MUC13: variants seen among roughly 807,000 people sequenced by gnomAD.
MUC13 encodes mucin 13, cell surface associated, also known as mucin-13.
MUC13 carries 32 observed loss-of-function variants against 48.3 expected under a neutral mutation model. That is an observed-to-expected ratio of 0.66 (90% CI 0.50 to 0.89). The LOEUF (loss-of-function observed/expected upper bound fraction) is 0.89, where lower values mean the gene tolerates loss of function less well. Among genes scored for constraint, MUC13 ranks in the 40% least tolerant of loss-of-function variants. MUC13 has a pLI of 0.00. For synonymous variants in MUC13, 199 were observed against 224.9 expected, an observed-to-expected ratio of 0.88 and a Z score of 1.03; for missense variants, 571 against 622.8, an observed-to-expected ratio of 0.92 and a Z score of 0.88.
intron 2 of MUC13, among the ~76,000 whole-genome samples, chr3:124,926,153 C>T (rs920351039): frequency 6.6e-6 from 1 of 152,182 alleles, no homozygotes; most frequent in Non-Finnish European, 1.5e-5. Flanking sequence ...CTCTGAGGTG[C>T]TTTCTCTTCA....
rs1437448937 is a variant in MUC13, at chr3:124,919,296, C to A, written c.800+938G>T. Among the ~76,000 whole-genome samples the A allele has an allele frequency of 2.1e-5, 3 of 142,914 alleles. No individual in the cohort carries two copies. In the South Asian group the frequency reaches 6.7e-4, roughly 32 times the overall value. The allele number at this position is 142,914 out of a possible 152,430, so 93.8% of individuals were successfully genotyped here. A position where few individuals can be genotyped will look rare whatever the true frequency, so the allele number is the denominator to read the frequency against. ...AGGTTGCAGTGAGCTGATATCACAC[C>A]AATGCACTCCAGCCTGCATGACAGG... On this transcript the variant is annotated intron_variant, in intron 5 of 11. Transcript: ENST00000616727.
rs567395958 is a variant in MUC13 at position 124,916,743 on chromosome 3, C to T, written c.801-263G>A. ...AAAACTTAGGAAAATTGTGGATAACCATTTTTGGAAAAATTATGAATCACA... is the reference window on the plus strand; with the variant it reads ...AAAACTTAGGAAAATTGTGGATAACTATTTTTGGAAAAATTATGAATCACA... On this transcript the variant is annotated intron_variant, in intron 5 of 11. Transcript: ENST00000616727. 3.9e-5 allele frequency among the ~76,000 whole-genome samples: 6 copies of T among 152,142 alleles called. No individual in the cohort carries two copies. In the East Asian group the frequency reaches 9.6e-4, roughly 24 times the overall value.
intron 2 of MUC13, among the ~76,000 whole-genome samples, chr3:124,925,417 C>T (rs1222468506): frequency 6.6e-6 from 1 of 152,156 alleles, no homozygotes; most frequent in African/African-American, 2.4e-5. Flanking sequence ...ATGCACAGCA[C>T]CACGAGTGAT....
Position 124,922,319 on chromosome 3 carries a change from A to G in MUC13, c.638-16T>C. On this transcript the variant is annotated splice_polypyrimidine_tract_variant and intron_variant, in intron 3 of 11. Transcript: ENST00000616727. ...AATACCTTTCCTGAAAGTTAAGCAG[A>G]ATCTTTCTGTACTATTTGATGAAAA... is the stretch of plus-strand genomic sequence containing the variant. 6.2e-7 allele frequency: 1 copy of G among 1,613,020 alleles called. No individual in the cohort carries two copies. The highest frequency in any genetic ancestry group is 2.2e-5 in the East Asian group (1 of 44,836).
At chr3:124,919,362 T>C (rs1935556211) in intron 5 of MUC13, among the ~76,000 whole-genome samples, 1 of 149,910 alleles carries the variant, frequency 6.7e-6, no homozygotes, top group Non-Finnish European at 1.5e-5. Context: ...AATGGTTTTT[T>C]TTTTTTTTGT....
intron 1 of MUC13, among the ~76,000 whole-genome samples, chr3:124,932,885 C>A (rs1935820795): frequency 6.6e-6 from 1 of 152,124 alleles, no homozygotes; most frequent in Non-Finnish European, 1.5e-5. Context: ...TCCCTTGAGC[C>A]TCAATGATTC....
chr3:124,926,006 C>A (rs1935679650), intron 2 of MUC13, among the ~76,000 whole-genome samples: 1 of 152,134 alleles, frequency 6.6e-6, no homozygotes, highest in African/African-American at 2.4e-5. Flanking sequence ...ATAAGCGTCA[C>A]CCCTCTGACA....
intron 1 of MUC13, among the ~76,000 whole-genome samples, chr3:124,931,230 T>A (rs573281482): frequency 9.8e-4 from 148 of 151,282 alleles, no homozygotes; most frequent in Non-Finnish European, 4.4e-4. Flanking sequence ...CAAGAGATTG[T>A]GACCATCCTG....
At chr3:124,933,339 TA>T (rs1935828531) in intron 1 of MUC13, among the ~76,000 whole-genome samples, 1 of 152,162 alleles carries the variant, frequency 6.6e-6, no homozygotes, top group African/African-American at 2.4e-5. Context: ...CTCCATGATA[TA>T]ATGAGTATTT....
intron 1 of MUC13, among the ~76,000 whole-genome samples, chr3:124,932,381 C>T (rs2107675004): frequency 6.6e-6 from 1 of 152,150 alleles, no homozygotes; most frequent in Non-Finnish European, 1.5e-5. Context: ...GCCTAGCCAA[C>T]ATGGTGAAAC....
intron 11 of MUC13, among the ~76,000 whole-genome samples, chr3:124,907,052 G>T (rs1935330957): frequency 6.6e-6 from 1 of 152,142 alleles, no homozygotes. Context: ...AGCAGTGACA[G>T]CTATGATTAT....
intron 3 of MUC13, among the ~76,000 whole-genome samples, chr3:124,922,505 C>G (rs1465296207): frequency 6.6e-6 from 1 of 151,230 alleles, no homozygotes; most frequent in Non-Finnish European, 1.5e-5. Flanking sequence ...TTTCCATTTA[C>G]AGTTTACATT....
intron 2 of MUC13, 84 bp from the exon 3 acceptor site, chr3:124,923,733 T>C: frequency 1.4e-6 from 2 of 1,404,876 alleles, no homozygotes; most frequent in Non-Finnish European, 2.0e-6. Flanking sequence ...TCTTCATGCC[T>C]CCCCCCTGGG....
At chr3:124,920,677 C>T (rs953263783) in intron 4 of MUC13, among the ~76,000 whole-genome samples, 9 of 152,196 alleles carry the variant, frequency 5.9e-5, no homozygotes, top group African/African-American at 1.7e-4. Context: ...GGCATAAGGC[C>T]TGTAACTGGA....
intron 5 of MUC13, among the ~76,000 whole-genome samples, chr3:124,919,986 G>A (rs1054477491): frequency 2.0e-5 from 3 of 152,218 alleles, no homozygotes; most frequent in Admixed American, 6.5e-5. Flanking sequence ...ATGTGCACAA[G>A]TTGTTGCATA....
chr3:124,922,078 T>C, intron 4 of MUC13, 119 bp downstream of exon 4: 1 of 1,217,696 alleles, frequency 8.2e-7, no homozygotes, highest in Non-Finnish European at 1.1e-6. Flanking sequence ...TACATTTCAC[T>C]GTTTGAACAA....
At chr3:124,929,758 T>A (rs1042972964) in intron 1 of MUC13, among the ~76,000 whole-genome samples, 2 of 152,116 alleles carry the variant, frequency 1.3e-5, no homozygotes, top group African/African-American at 4.8e-5. Context: ...CCACCAATAC[T>A]CAGAAGGGTT....
At chr3:124,910,208 G>C (rs913432311) in intron 10 of MUC13, among the ~76,000 whole-genome samples, 3 of 152,114 alleles carry the variant, frequency 2.0e-5, no homozygotes, top group African/African-American at 7.2e-5. Context: ...GGAAACTAGA[G>C]AGTGTCATGC....
In MUC13 at chr3:124,905,761, T is replaced by G. The variant is rs1338254502; in HGVS notation, c.*982A>C. ...AGCACAAGCTCCCTCTCGCACCCTT[T>G]GCCAGACAGTTTGTCTCCAATTTCA... On this transcript the variant is annotated 3_prime_UTR_variant, in exon 12 of 12. Coordinates refer to ENST00000616727, the MANE Select transcript of MUC13 (RefSeq NM_033049.4). 6.5e-6 allele frequency: 1 copy of G among 152,762 alleles called. No homozygotes were observed. Among genetic ancestry groups the G allele is most frequent in the Non-Finnish European group, 1.5e-5 (1 of 68,048 alleles). 9.5% of individuals were successfully genotyped at this position (152,762 alleles called of 1,614,324 possible).
Sources: allele counts gnomAD v4.1 joint callset (sites outside exome capture counted in the v4.1 genomes callset), GRCh38; gene constraint gnomAD v4.1.1; transcripts MANE v1.5; gene names NCBI Gene and HGNC (gene_info 2026-07-23, HGNC 2026-07-21).